CEP44: variants seen among roughly 807,000 people sequenced by gnomAD.
The protein encoded by CEP44 is centrosomal protein of 44 kDa.
In CEP44, 45 loss-of-function variants were observed where a neutral mutation model predicts 46.7. The observed-to-expected ratio is 0.96, with a 90% CI of 0.76 to 1.24. The LOEUF (loss-of-function observed/expected upper bound fraction) is 1.24, where lower values mean the gene tolerates loss of function less well. Among genes scored for constraint, CEP44 ranks in the 50% most tolerant of loss-of-function variants. The pLI, the probability that CEP44 is intolerant of heterozygous loss-of-function variation, is 0.00. For synonymous variants in CEP44, 142 were observed against 146.0 expected, an observed-to-expected ratio of 0.97 and a Z score of 0.20; for missense variants, 475 against 459.7, an observed-to-expected ratio of 1.03 and a Z score of -0.30.
At position 174,290,627 on chromosome 4, in the gene CEP44, C is replaced by T. The variant is rs1462127063; in HGVS notation, c.-148+6684C>T. On this transcript the variant is annotated intron_variant, in intron 1 of 11. Transcript: ENST00000503780. The surrounding 1 kb of genome is among the most constrained non-coding windows in gnomAD (Gnocchi z 4.3). ...GTCCGGATGACCAGTACATTATAGA[C>T]AGTGACGTATCAAAGTCTCCTTCTG... Among the ~76,000 whole-genome samples the T allele has an allele frequency of 1.3e-5, 2 of 152,058 alleles. No homozygotes were observed. The highest frequency in any genetic ancestry group is 2.9e-5 in the Non-Finnish European group (2 of 67,996).
At chr4:174,306,863 T>C (rs1740467541) in intron 6 of CEP44, among the ~76,000 whole-genome samples, 1 of 151,970 alleles carries the variant, frequency 6.6e-6, no homozygotes. Flanking sequence ...CCATTCAAAA[T>C]TGCCACAAAA....
chr4:174,300,216 A>G (rs1031456763), intron 3 of CEP44, among the ~76,000 whole-genome samples: 4 of 152,218 alleles, frequency 2.6e-5, no homozygotes, highest in African/African-American at 9.6e-5. Context: ...TTGAGGTTAC[A>G]GTAGGGAGAG....
At chr4:174,313,697 G>T (rs1359142460) in intron 9 of CEP44, among the ~76,000 whole-genome samples, 1 of 152,112 alleles carries the variant, frequency 6.6e-6, no homozygotes, top group Non-Finnish European at 1.5e-5. Flanking sequence ...ATGATAGTGA[G>T]GATAAAGAGC....
rs1560913954 is a variant in CEP44 at position 174,314,648 on chromosome 4, TC to T, written c.962-1517del. On this transcript the variant is annotated intron_variant, in intron 9 of 11. Coordinates refer to ENST00000503780, the MANE Select transcript of CEP44 (RefSeq NM_001040157.3). This position sits in a 1 kb window ranked among gnomAD's most constrained non-coding sequence, Gnocchi z 4.1. Reference sequence around the variant, plus strand: ...GTTTCCTTTTCCTAGGGCCCCCTCCTCTTTTTGGAAAGATGTCCGAAATGTT... The same window carrying T: ...GTTTCCTTTTCCTAGGGCCCCCTCCTTTTTTGGAAAGATGTCCGAAATGTT... Among the ~76,000 whole-genome samples, 1 of 152,206 alleles carries T rather than the reference TC, an allele frequency of 6.6e-6. No homozygotes were observed. The highest frequency in any genetic ancestry group is 1.5e-5 in the Non-Finnish European group (1 of 68,030).
downstream of CEP44, among the ~76,000 whole-genome samples, chr4:174,320,932 TATG>T (rs1404874280): frequency 6.6e-6 from 1 of 152,028 alleles, no homozygotes; most frequent in African/African-American, 2.4e-5. Flanking sequence ...TGACTTGAAT[TATG>T]ATGACAGTGG....
At chr4:174,320,509 A>G, downstream of CEP44, among the ~76,000 whole-genome samples, 1 of 147,930 alleles carries the variant, frequency 6.8e-6, no homozygotes, top group Non-Finnish European at 1.5e-5. Context: ...CTTTCTTTGA[A>G]ACTGAAGGCA....
intron 10 of CEP44, 46 bp from the exon 11 acceptor site, chr4:174,316,484 G>T: frequency 6.6e-7 from 1 of 1,511,244 alleles, no homozygotes; most frequent in Non-Finnish European, 9.1e-7. Context: ...TTTGATGATG[G>T]TTTACTTTGA....
At position 174,318,079 on chromosome 4, in the gene CEP44, G is replaced by T. The variant is rs944085215; in HGVS notation, c.*696G>T. The T allele has an allele frequency of 2.2e-4, 216 of 985,000 alleles. No homozygotes were observed. Among genetic ancestry groups the T allele is most frequent in the Non-Finnish European group, 2.4e-4 (200 of 829,612 alleles). The allele number at this position is 985,000 out of a possible 1,614,324, so 61.0% of individuals were successfully genotyped here. A position where few individuals can be genotyped will look rare whatever the true frequency, so the allele number is the denominator to read the frequency against. On this transcript the variant is annotated 3_prime_UTR_variant, in exon 12 of 12. Transcript: ENST00000503780. ...CTCTATTGTATAATTTTTTTGGAGG[G>T]GGGGATGGAGTTTCGCTGTTGTTGC...
Position 174,303,587 on chromosome 4 carries a change from G to T in CEP44, c.238-116G>T, listed in dbSNP as rs868040811. ...TTTAGTACTCTTTAGTTAATGGCTT[G>T]GTTTTCCTTGTCCTCTCAAAGGTGG... is the stretch of plus-strand genomic sequence containing the variant. On this transcript the variant is annotated intron_variant, in intron 4 of 11. Transcript: ENST00000503780. 108 of 560,182 alleles carry T rather than the reference G, an allele frequency of 1.9e-4. 1 individual carries two copies. Among genetic ancestry groups the T allele is most frequent in the Admixed American group, 1.7e-3 (57 of 33,180 alleles). 34.7% of individuals were successfully genotyped at this position (560,182 alleles called of 1,614,324 possible).
chr4:174,301,208 A>G lies in CEP44; in HGVS notation c.90-831A>G, dbSNP rs1255849930. Among the ~76,000 whole-genome samples, 2 of 152,190 alleles carry G rather than the reference A, an allele frequency of 1.3e-5. No homozygotes were observed. The highest frequency in any genetic ancestry group is 6.5e-5 in the Admixed American group (1 of 15,284). On this transcript the variant is annotated intron_variant, in intron 3 of 11. Transcript: ENST00000503780. The surrounding 1 kb of genome is among the most constrained non-coding windows in gnomAD (Gnocchi z 4.3). ...CATTTGCTTTATATAAGTACAAAAT[A>G]CTGCAATTGAACAAATGTAACTGGC...
At chr4:174,313,381 G>GAAAA in intron 9 of CEP44, among the ~76,000 whole-genome samples, 1 of 131,318 alleles carries the variant, frequency 7.6e-6, no homozygotes, top group East Asian at 3.1e-4. Context: ...TCCCTCAGAG[G>GAAAA]AAAAAAAAAA....
At chr4:174,324,253 A>G (rs141602282), downstream of CEP44, among the ~76,000 whole-genome samples, 574 of 152,218 alleles carry the variant, frequency 3.8e-3, 2 homozygotes, top group Middle Eastern at 0.017. Flanking sequence ...TATATGGCCA[A>G]TGAATATTTC....
rs1742152563 is a variant in CEP44 at position 174,319,902 on chromosome 4, A to G, written c.*2519A>G. The stretch of plus-strand genomic sequence containing the variant: ...TTAGGCAATTTGGTAAGTGGTTTCT[A>G]GTTATAAACTAGCCACTGTTGATTA... On this transcript the variant is annotated 3_prime_UTR_variant, in exon 12 of 12. Transcript: ENST00000503780. 1 of 985,078 alleles carries G rather than the reference A, an allele frequency of 1.0e-6. No homozygotes were observed. The highest frequency in any genetic ancestry group is 1.2e-6 in the Non-Finnish European group (1 of 829,732). 61.0% of individuals were successfully genotyped at this position (985,078 alleles called of 1,614,324 possible). A position where few individuals can be genotyped will look rare whatever the true frequency, so the allele number is the denominator to read the frequency against.
chr4:174,327,394 T>C (rs1050244831), intron 8 of CEP44, among the ~76,000 whole-genome samples: 1 of 151,880 alleles, frequency 6.6e-6, no homozygotes, highest in Non-Finnish European at 1.5e-5. Context: ...GATTATAATT[T>C]TAATTCAAGT....
downstream of CEP44, among the ~76,000 whole-genome samples, chr4:174,324,411 G>A (rs1398752423): frequency 6.6e-6 from 1 of 152,098 alleles, no homozygotes; most frequent in Non-Finnish European, 1.5e-5. Flanking sequence ...ATGCCTAGGA[G>A]TGGGATGGCT....
At chr4:174,299,287 G>A in intron 3 of CEP44, 77 bp downstream of exon 3, 1 of 1,175,958 alleles carries the variant, frequency 8.5e-7, no homozygotes, top group Non-Finnish European at 1.2e-6. Flanking sequence ...GGGACTACCT[G>A]AGAAAAATCA....
At chr4:174,285,614 C>T (rs1215312382) in intron 1 of CEP44, 2 of 152,108 alleles carry the variant, frequency 1.3e-5, no homozygotes, top group East Asian at 1.9e-4. Flanking sequence ...AACAGAATTA[C>T]TTGCACTGGG....
chr4:174,316,559 G>A lies in CEP44; in HGVS notation c.1116G>A (p.Met372Ile). ...CAACAATCCAGAAAATGGAAAGGAT[G>A]AAAAAAATGTAAGTAACAGAAAGGG... ...EETTIQKMER[M>I]KKMFEETAEL... Residue 372 changes from methionine to isoleucine, a missense_variant, in exon 11 of 12, where the codon ATG becomes ATA. Met to Ile is a conservative substitution (Grantham distance 10). Coordinates refer to ENST00000503780, the MANE Select transcript of CEP44 (RefSeq NM_001040157.3). The A allele has an allele frequency of 6.3e-7, 1 of 1,586,834 alleles. No homozygotes were observed. Among genetic ancestry groups the A allele is most frequent in the South Asian group, 1.2e-5 (1 of 86,782 alleles).
chr4:174,310,242 C>T lies in CEP44; in HGVS notation c.885+186C>T, dbSNP rs1740927813. 6.6e-6 allele frequency among the ~76,000 whole-genome samples: 1 copy of T among 151,830 alleles called. No homozygotes were observed. Among genetic ancestry groups the T allele is most frequent in the African/African-American group, 2.4e-5 (1 of 41,390 alleles). On this transcript the variant is annotated intron_variant, in intron 8 of 11. Coordinates refer to ENST00000503780, the MANE Select transcript of CEP44 (RefSeq NM_001040157.3). This position sits in a 1 kb window ranked among gnomAD's most constrained non-coding sequence, Gnocchi z 4.2. ...TTGTTGTGGCTGTTGTTTCTCTCTT[C>T]ATTGAATAAGATAATCTGAAAAACT... is the stretch of plus-strand genomic sequence containing the variant.
Sources: allele counts gnomAD v4.1 joint callset (sites outside exome capture counted in the v4.1 genomes callset), GRCh38; gene constraint gnomAD v4.1.1; non-coding constraint Gnocchi (gnomAD v3.1); transcripts MANE v1.5; gene names NCBI Gene and HGNC (gene_info 2026-07-23, HGNC 2026-07-21).